Variants in WNT2B observed in about 807,000 individuals in gnomAD.
WNT2B encodes the protein protein Wnt-2b.
In WNT2B, 19 loss-of-function variants were observed where a neutral mutation model predicts 40.5. That is an observed-to-expected ratio of 0.47 (90% CI 0.33 to 0.69). WNT2B has a LOEUF of 0.69. WNT2B is among the 30% of genes least tolerant of loss of function. The probability of loss-of-function intolerance (pLI) is 0.02; values close to 1 mark genes in which losing one functional copy is unlikely to be tolerated. For missense variants in WNT2B, 467 were observed against 556.4 expected, an observed-to-expected ratio of 0.84 and a Z score of 1.62; for synonymous variants, 220 against 211.9, an observed-to-expected ratio of 1.04 and a Z score of -0.33.
chr1:112,469,741 G>A lies in WNT2B; in HGVS notation c.-95+2150G>A, dbSNP rs537379677. 2.0e-5 allele frequency among the ~76,000 whole-genome samples: 3 copies of A among 152,078 alleles called. No homozygotes were observed. The East Asian group carries it at 5.8e-4, about 29-fold the overall frequency. ...CTATTCTCCTGCCTCAGCTTCCCGA[G>A]TAGCTGGGATTACAGGCACATGCCA... On this transcript the variant is annotated intron_variant, in intron 1 of 4. Coordinates refer to the WNT2B transcript ENST00000256640.
chr1:112,507,674 A>T (rs1652155671), upstream of WNT2B, among the ~76,000 whole-genome samples: 3 of 152,104 alleles, frequency 2.0e-5, no homozygotes, highest in South Asian at 6.2e-4. Flanking sequence ...ACCGCCCCCC[A>T]CCCCCAACCA....
intron 1 of WNT2B, among the ~76,000 whole-genome samples, chr1:112,468,618 A>G (rs947178415): frequency 6.6e-6 from 1 of 152,028 alleles, no homozygotes; most frequent in Non-Finnish European, 1.5e-5. Context: ...ATGTCTATTC[A>G]TGCCAGTTTC....
rs1652831111 is a variant in WNT2B at position 112,520,808 on chromosome 1, T to TG, written c.*299_*300insG. On this transcript the variant is annotated 3_prime_UTR_variant, in exon 5 of 5. Coordinates refer to ENST00000369684, the MANE Select transcript of WNT2B (RefSeq NM_024494.3). ...AAATGAGTTGCACTAAAGTACGTAG[T>TG]TGAGGCTCCTTTTTTCTTTCCTTTG... 5.1e-6 allele frequency: 2 copies of TG among 392,556 alleles called. No homozygotes were observed. The highest frequency in any genetic ancestry group is 9.2e-6 in the Non-Finnish European group (2 of 218,174). 24.3% of individuals were successfully genotyped at this position (392,556 alleles called of 1,614,324 possible). A position where few individuals can be genotyped will look rare whatever the true frequency, so the allele number is the denominator to read the frequency against.
At chr1:112,503,851 G>A (rs1171818769) in intron 1 of WNT2B, among the ~76,000 whole-genome samples, 1 of 152,108 alleles carries the variant, frequency 6.6e-6, no homozygotes, top group Non-Finnish European at 1.5e-5. Flanking sequence ...ACAAGAGCCA[G>A]AGAGAGACCC....
intron 1 of WNT2B, among the ~76,000 whole-genome samples, chr1:112,510,495 C>A (rs1038872738): frequency 1.3e-5 from 2 of 151,892 alleles, no homozygotes; most frequent in Non-Finnish European, 2.9e-5. Flanking sequence ...CCCGTGCAAG[C>A]CCCCCTCCCC....
In WNT2B at chr1:112,528,069, G is replaced by C. The variant is rs1302416358; in HGVS notation, c.*7560G>C. The stretch of plus-strand genomic sequence containing the variant: ...TAAAATGAAACAGTTTAATGGACTA[G>C]GAAGCAGAAGTCTGAGAATAAAGGA... On this transcript the variant is annotated 3_prime_UTR_variant, in exon 5 of 5. Transcript: ENST00000369684. 3 of 152,158 alleles carry C rather than the reference G, an allele frequency of 2.0e-5. No individual in the cohort carries two copies. The highest frequency in any genetic ancestry group is 6.5e-5 in the Admixed American group (1 of 15,288). 9.4% of individuals were successfully genotyped at this position (152,158 alleles called of 1,614,324 possible).
chr1:112,515,140 TG>T lies in WNT2B; in HGVS notation c.403+51del, dbSNP rs2101088729. On this transcript the variant is annotated intron_variant, in intron 2 of 4. Transcript: ENST00000369684. This position sits in a 1 kb window ranked among gnomAD's most constrained non-coding sequence, Gnocchi z 4.4. ...GTGTCAGCTCCTTCCCTTTCTGTGC[TG>T]GGGGTGGTGAGTGGGAAGAGTAGGC... The T allele has an allele frequency of 6.3e-7, 1 of 1,588,736 alleles. No individual in the cohort carries two copies.
rs557064729 is a variant in WNT2B, at chr1:112,511,959, G to T, written c.182+2515G>T. On this transcript the variant is annotated intron_variant, in intron 1 of 4. Transcript: ENST00000369684. ...ATCCTTATTTCACAAATGAAAGTGA[G>T]GGATGCTGTGGCATTAAGAGCAGAT... is the stretch of plus-strand genomic sequence containing the variant. Among the ~76,000 whole-genome samples the T allele has an allele frequency of 4.6e-5, 7 of 152,274 alleles. No individual in the cohort carries two copies. In the East Asian group the frequency reaches 9.6e-4, roughly 21 times the overall value.
chr1:112,482,514 G>A (rs1213849008), intron 1 of WNT2B, among the ~76,000 whole-genome samples: 1 of 151,828 alleles, frequency 6.6e-6, no homozygotes, highest in Non-Finnish European at 1.5e-5. Context: ...TTATCTTTTT[G>A]TAAAGACAGG....
chr1:112,520,200 C>G, intron 4 of WNT2B, 80 bp from the exon 5 acceptor site: 1 of 1,382,310 alleles, frequency 7.2e-7, no homozygotes, highest in Admixed American at 2.0e-5. Flanking sequence ...TTTTTATCTT[C>G]CTTCTGAGAA....
intron 1 of WNT2B, among the ~76,000 whole-genome samples, chr1:112,480,284 G>A (rs552499880): frequency 1.7e-4 from 25 of 150,214 alleles, no homozygotes; most frequent in African/African-American, 5.4e-4. Context: ...GGAGAATCAC[G>A]TGAACTTGGG....
intron 1 of WNT2B, among the ~76,000 whole-genome samples, chr1:112,492,160 C>T (rs1206830014): frequency 6.6e-6 from 1 of 152,190 alleles, no homozygotes; most frequent in East Asian, 1.9e-4. Context: ...AAAAAAGACA[C>T]TCAAGATTTA....
chr1:112,484,294 C>CATATATATAT (rs1557909971), intron 1 of WNT2B, among the ~76,000 whole-genome samples: 24 of 106,586 alleles, frequency 2.3e-4, no homozygotes, highest in African/African-American at 1.1e-3. Flanking sequence ...TATATATACA[C>CATATATATAT]ACACATATAT....
rs896539057 is a variant in WNT2B, at chr1:112,527,218, T to A, written c.*6709T>A. The A allele has an allele frequency of 6.6e-6, 1 of 152,288 alleles. No individual in the cohort carries two copies. Among genetic ancestry groups the A allele is most frequent in the Non-Finnish European group, 1.5e-5 (1 of 68,086 alleles). The allele number at this position is 152,288 out of a possible 1,614,324, so 9.4% of individuals were successfully genotyped here. On this transcript the variant is annotated 3_prime_UTR_variant, in exon 5 of 5. Transcript: ENST00000369684. Reference sequence around the variant, plus strand: ...CAACTGTTAAGACAGAAGGGAAAAGTACAATGTTCATCAATCATAGCTCTG... The same window carrying A: ...CAACTGTTAAGACAGAAGGGAAAAGAACAATGTTCATCAATCATAGCTCTG...
At chr1:112,490,975 A>G in intron 1 of WNT2B, 1 of 1,594,836 alleles carries the variant, frequency 6.3e-7, no homozygotes, top group South Asian at 1.1e-5. Context: ...AGCATTTATT[A>G]TGTTAAATTG....
Position 112,520,526 on chromosome 1 carries a change from C to G in WNT2B, c.*17C>G, listed in dbSNP as rs753194555. On this transcript the variant is annotated 3_prime_UTR_variant, in exon 5 of 5. Coordinates refer to ENST00000369684, the MANE Select transcript of WNT2B (RefSeq NM_024494.3). ...CAAACCTGAACACACAGATACCTCA[C>G]TCATCCCTCCAATTCAAGCCTCTCA... The G allele has an allele frequency of 5.6e-6, 9 of 1,610,714 alleles. No individual in the cohort carries two copies. The South Asian group carries it at 9.9e-5, about 18-fold the overall frequency.
intron 1 of WNT2B, among the ~76,000 whole-genome samples, chr1:112,495,607 C>T (rs1171956470): frequency 1.3e-5 from 2 of 149,172 alleles, no homozygotes; most frequent in African/African-American, 5.0e-5. Context: ...AAAAAAAAAT[C>T]CAGCTATATC....
At chr1:112,502,302 G>T (rs1651984549) in intron 1 of WNT2B, among the ~76,000 whole-genome samples, 1 of 152,146 alleles carries the variant, frequency 6.6e-6, no homozygotes, top group African/African-American at 2.4e-5. Flanking sequence ...CCCGGGCCGC[G>T]GCCCTGGGGC....
chr1:112,486,405 T>C (rs933345216), intron 1 of WNT2B, among the ~76,000 whole-genome samples: 1 of 152,176 alleles, frequency 6.6e-6, no homozygotes, highest in African/African-American at 2.4e-5. Context: ...GTCACACCAC[T>C]GCACTCCATC....
Sources: gnomAD v4.1 joint callset for allele counts (sites outside exome capture counted in the v4.1 genomes callset) on GRCh38, gnomAD v4.1.1 for gene constraint, Gnocchi (gnomAD v3.1) non-coding constraint, MANE v1.5 for transcripts, NCBI Gene and HGNC (gene_info 2026-07-23, HGNC 2026-07-21) for gene names.